LRP1B: variants seen among roughly 807,000 people sequenced by gnomAD.
LRP1B encodes the protein low-density lipoprotein receptor-related protein 1B.
In LRP1B, 217 loss-of-function variants were observed where a neutral mutation model predicts 556.6. The ratio of observed to expected loss-of-function variants is 0.39; its 90% confidence interval spans 0.35 to 0.44. LRP1B has a LOEUF of 0.44. Among genes scored for constraint, LRP1B ranks in the 20% least tolerant of loss-of-function variants. LRP1B has a pLI of 1.00. For synonymous variants in LRP1B, 2,047 were observed against 1,865.8 expected, an observed-to-expected ratio of 1.10 and a Z score of -2.50; for missense variants, 5,053 against 5,620.8, an observed-to-expected ratio of 0.90 and a Z score of 3.23.
intron 59 of LRP1B, among the ~76,000 whole-genome samples, chr2:140,475,792 C>T (rs941124918): frequency 6.6e-6 from 1 of 151,772 alleles, no homozygotes; most frequent in African/African-American, 2.4e-5. Flanking sequence ...ATGGTATCCA[C>T]TAACCAATTA....
intron 7 of LRP1B, among the ~76,000 whole-genome samples, chr2:141,136,239 G>A (rs1045983155): frequency 6.6e-6 from 1 of 151,660 alleles, no homozygotes; most frequent in African/African-American, 2.4e-5. Context: ...TTTCACAGAG[G>A]GTTAACTGGA....
intron 41 of LRP1B, among the ~76,000 whole-genome samples, chr2:140,660,308 AT>A (rs200925596): frequency 0.029 from 4,449 of 152,130 alleles, 101 homozygotes; most frequent in South Asian, 0.049. Flanking sequence ...TACTTCCAGT[AT>A]TTTTATATGT....
chr2:141,850,895 C>G lies in LRP1B; in HGVS notation c.83-40494G>C, dbSNP rs1455484314. ...AAAAATCAAAGGAATCCTACAGATG[C>G]TGACATTAAACATACTGATGGGAAT... is the stretch of plus-strand genomic sequence containing the variant. On this transcript the variant is annotated intron_variant, in intron 1 of 90. Coordinates refer to ENST00000389484, the MANE Select transcript of LRP1B (RefSeq NM_018557.3). Among the ~76,000 whole-genome samples, 3 of 151,600 alleles carry G rather than the reference C, an allele frequency of 2.0e-5. No individual in the cohort carries two copies. The East Asian group carries it at 5.8e-4, about 29-fold the overall frequency.
chr2:141,235,536 T>C (rs530796844), intron 5 of LRP1B, among the ~76,000 whole-genome samples: 5 of 152,194 alleles, frequency 3.3e-5, no homozygotes, highest in Non-Finnish European at 5.9e-5. Context: ...GAATTCAATA[T>C]GCAGAGATGG....
At chr2:141,703,590 G>A (rs1189666990) in intron 2 of LRP1B, among the ~76,000 whole-genome samples, 1 of 151,922 alleles carries the variant, frequency 6.6e-6, no homozygotes, top group Non-Finnish European at 1.5e-5. Flanking sequence ...TAGAGGGATA[G>A]TATTTTTAAT....
Position 140,442,553 on chromosome 2 carries a change from A to T in LRP1B, c.10365T>A (p.Val3455=), listed in dbSNP as rs1377293062. ...TTKHCISKLW[V]CDEDPDCADA... ...CTGCACAGTCTGGATCCTCGTCACA[A>T]ACCCACAGCTTGGAAATGCAATGCT... The change falls in exon 66 of 91, where the codon GTT becomes GTA. Residue 3455 remains valine (V), a synonymous_variant. Coordinates refer to ENST00000389484, the MANE Select transcript of LRP1B (RefSeq NM_018557.3). The T allele has an allele frequency of 6.2e-7, 1 of 1,614,050 alleles. No homozygotes were observed. The highest frequency in any genetic ancestry group is 8.5e-7 in the Non-Finnish European group (1 of 1,179,916).
intron 27 of LRP1B, among the ~76,000 whole-genome samples, chr2:140,852,225 G>A (rs1047865935): frequency 1.3e-5 from 2 of 152,144 alleles, no homozygotes; most frequent in East Asian, 1.9e-4. Context: ...TAGTCAGGAG[G>A]CTGAGGCAGG....
intron 2 of LRP1B, among the ~76,000 whole-genome samples, chr2:141,534,934 G>T (rs566097853): frequency 6.6e-6 from 1 of 152,160 alleles, no homozygotes; most frequent in Non-Finnish European, 1.5e-5. Context: ...TGGTGGTTTG[G>T]TATATCTTTT....
intron 9 of LRP1B, among the ~76,000 whole-genome samples, chr2:141,055,551 CT>C (rs950466250): frequency 1.5e-4 from 23 of 151,768 alleles, no homozygotes; most frequent in African/African-American, 4.8e-4. Flanking sequence ...AGTAACATAA[CT>C]TTTTTTTGTA....
chr2:140,595,088 A>ATATATCTATATC (rs1491197082), intron 43 of LRP1B, among the ~76,000 whole-genome samples: 1 of 2,120 alleles, frequency 4.7e-4, no homozygotes, highest in African/African-American at 1.4e-3. Context: ...TATAAATTGA[A>ATATATCTATATC]TATATATATA....
chr2:141,273,744 G>C (rs112161555), intron 3 of LRP1B, among the ~76,000 whole-genome samples: 3,392 of 152,242 alleles, frequency 0.022, 70 homozygotes, highest in Non-Finnish European at 0.036. Flanking sequence ...CTTAACAAAA[G>C]TATTTATGCT....
intron 3 of LRP1B, among the ~76,000 whole-genome samples, chr2:141,293,329 C>A (rs1686047466): frequency 1.3e-5 from 2 of 152,146 alleles, no homozygotes; most frequent in African/African-American, 4.8e-5. Context: ...GATCAAAAAT[C>A]TTTTGTTTTC....
chr2:140,934,837 C>A (rs1008748813), intron 20 of LRP1B, among the ~76,000 whole-genome samples: 2 of 152,148 alleles, frequency 1.3e-5, no homozygotes, highest in African/African-American at 4.8e-5. Context: ...TGCCCTCTTA[C>A]TTTCATTTCA....
At chr2:140,869,574 A>C (rs1693060553) in intron 25 of LRP1B, among the ~76,000 whole-genome samples, 1 of 152,152 alleles carries the variant, frequency 6.6e-6, no homozygotes, top group Non-Finnish European at 1.5e-5. Context: ...AAGTGGTTAT[A>C]TAAAAGACCA....
intron 43 of LRP1B, among the ~76,000 whole-genome samples, chr2:140,561,669 A>G (rs1680935352): frequency 6.6e-6 from 1 of 152,112 alleles, no homozygotes; most frequent in Admixed American, 6.6e-5. Flanking sequence ...ATATAAACTC[A>G]TATAAGTAAA....
rs373594906 is a variant in LRP1B, at chr2:141,055,195, T to A, written c.1473A>T (p.Leu491=). 1.2e-6 allele frequency: 2 copies of A among 1,612,230 alleles called. No homozygotes were observed. The highest frequency in any genetic ancestry group is 1.7e-6 in the Non-Finnish European group (2 of 1,179,068). The change falls in exon 10 of 91, where the codon CTA becomes CTT. Residue 491 remains leucine, a synonymous_variant. Coordinates refer to ENST00000389484, the MANE Select transcript of LRP1B (RefSeq NM_018557.3). The part of the protein sequence containing the change: ...GMPGGCSHIC[L]LSSSYKTRTC... ...TCCGAGTTTTGTAACTGCTGCTGAG[T>A]AGACAGATGTGTGAACAGCCCCCTG...
At chr2:141,241,087 C>T (rs2049153) in intron 5 of LRP1B, among the ~76,000 whole-genome samples, 82,669 of 151,740 alleles carry the variant, frequency 0.54, 23,311 homozygotes, top group Admixed American at 0.62. Flanking sequence ...CCAGCACTGA[C>T]ATACTCATTA....
At chr2:140,946,607 G>GAACAAC (rs377380113) in intron 20 of LRP1B, among the ~76,000 whole-genome samples, 20 of 151,856 alleles carry the variant, frequency 1.3e-4, no homozygotes, top group African/African-American at 4.8e-4. Flanking sequence ...TCTCAAACAA[G>GAACAAC]AACAACAACA....
chr2:140,867,545 A>G (rs756987507), intron 27 of LRP1B, 45 bp downstream of exon 27: 1 of 1,553,440 alleles, frequency 6.4e-7, no homozygotes, highest in South Asian at 1.2e-5. Flanking sequence ...GATTAAGATG[A>G]TAATACTTTC....
Sources: gnomAD v4.1 joint callset for allele counts (sites outside exome capture counted in the v4.1 genomes callset) on GRCh38, gnomAD v4.1.1 for gene constraint, MANE v1.5 for transcripts, NCBI Gene and HGNC (gene_info 2026-07-23, HGNC 2026-07-21) for gene names.